The following CACNA1A variants were observed in gnomAD, a reference collection of about 807,000 sequenced individuals.
CACNA1A encodes calcium voltage-gated channel subunit alpha1 A.
A neutral mutation model predicts 262.4 loss-of-function variants in CACNA1A; 57 were observed. That is an observed-to-expected ratio of 0.22 (90% CI 0.18 to 0.27). The LOEUF (loss-of-function observed/expected upper bound fraction) is 0.27, where lower values mean the gene tolerates loss of function less well. Among genes scored for constraint, CACNA1A ranks in the 10% least tolerant of loss-of-function variants. CACNA1A has a pLI of 1.00. For missense variants in CACNA1A, 2,526 were observed against 3,562.8 expected (o/e 0.71, Z 7.41); for synonymous variants, 1,431 against 1,419.3 (o/e 1.01, Z -0.18).
chr19:13,464,128 C>T (rs866664760), intron 1 of CACNA1A, among the ~76,000 whole-genome samples: 14 of 152,170 alleles, frequency 9.2e-5, no homozygotes, highest in African/African-American at 3.4e-4. Context: ...GAGGTAGATG[C>T]CTATCATCTC....
chr19:13,301,644 G>T (rs1340671648), intron 17 of CACNA1A, among the ~76,000 whole-genome samples: 1 of 152,158 alleles, frequency 6.6e-6, no homozygotes, highest in Non-Finnish European at 1.5e-5. Flanking sequence ...TTCATGCAGG[G>T]CCTCATTCGT....
chr19:13,227,377 A>T, intron 37 of CACNA1A, 54 bp downstream of exon 37: 1 of 798,464 alleles, frequency 1.3e-6, no homozygotes. Context: ...AAGAAGAAGA[A>T]GAAGAAAAAA....
rs1032588483 is a variant in CACNA1A at position 13,208,935 on chromosome 19, G to C, written c.6601C>G (p.Arg2201Gly). The C allele has an allele frequency of 6.5e-7, 1 of 1,537,510 alleles. No homozygotes were observed. The highest frequency in any genetic ancestry group is 1.2e-5 in the South Asian group (1 of 84,060). ...PSKERDQERG[R>G]PKDRKHRQHH... is the part of the protein sequence containing the mutation. ...TGTCGATGCTTCCGATCCTTGGGCC[G>C]GCCCCGCTCCTGGTCCCGCTCCTTC... The change falls in exon 46 of 47, where the codon CGG (arginine) becomes GGG (glycine). Residue 2201 changes from arginine (R) to glycine (G), a missense_variant. Physicochemically the swap from Arg to Gly is moderately radical, Grantham distance 125. This residue lies in a region of CACNA1A where 929 missense variants were observed against 868.1 expected (regional missense o/e 1.07). Transcript: ENST00000360228.
rs758727321 is a variant in CACNA1A at position 13,212,543 on chromosome 19, G to A, written c.6051-21C>T. 19 of 1,547,962 alleles carry A rather than the reference G, an allele frequency of 1.2e-5. No individual in the cohort carries two copies. The highest frequency in any genetic ancestry group is 9.7e-5 in the Admixed American group (5 of 51,318). ...CCATCCTGCATGGGGGACAGAGGCC[G>A]GGGTAGCAGTGGGCGCTTGGGCAGC... On this transcript the variant is annotated intron_variant, in intron 41 of 46. Transcript: ENST00000360228. The surrounding 1 kb of genome is among the most constrained non-coding windows in gnomAD (Gnocchi z 5.6).
chr19:13,308,622 C>T lies in CACNA1A; in HGVS notation c.1669-94G>A, dbSNP rs2057955895. 1.5e-6 allele frequency: 1 copy of T among 689,106 alleles called. No individual in the cohort carries two copies. The highest frequency in any genetic ancestry group is 2.5e-6 in the Non-Finnish European group (1 of 406,166). The allele number at this position is 689,106 out of a possible 1,614,324, so 42.7% of individuals were successfully genotyped here. A position where few individuals can be genotyped will look rare whatever the true frequency, so the allele number is the denominator to read the frequency against. ...AGGTACCAACCTTGCAAGAACTCAA[C>T]CAAACTCCTCCCTCCAAATGGAAGC... is the stretch of plus-strand genomic sequence containing the variant. On this transcript the variant is annotated intron_variant, in intron 12 of 46. Transcript: ENST00000360228. The surrounding 1 kb of genome is among the most constrained non-coding windows in gnomAD (Gnocchi z 4.2).
At chr19:13,322,059 G>T (rs537429476) in intron 10 of CACNA1A, among the ~76,000 whole-genome samples, 2 of 151,920 alleles carry the variant, frequency 1.3e-5, no homozygotes, top group Non-Finnish European at 2.9e-5. Flanking sequence ...AAAATTAGCC[G>T]GGCATGGTGG....
chr19:13,306,023 G>A (rs970837814), intron 15 of CACNA1A, among the ~76,000 whole-genome samples: 4 of 148,710 alleles, frequency 2.7e-5, no homozygotes, highest in African/African-American at 7.5e-5. Context: ...ACGTGCCGTC[G>A]CACTCCAGCC....
chr19:13,360,249 C>CTGTG lies in CACNA1A; in HGVS notation c.785-454_785-451dup, dbSNP rs57607096. Among the ~76,000 whole-genome samples, 14 of 109,006 alleles carry CTGTG rather than the reference C, an allele frequency of 1.3e-4. 1 individual carries two copies. Among genetic ancestry groups the CTGTG allele is most frequent in the Non-Finnish European group, 2.6e-4 (13 of 50,776 alleles). 71.5% of individuals were successfully genotyped at this position (109,006 alleles called of 152,430 possible). A position where few individuals can be genotyped will look rare whatever the true frequency, so the allele number is the denominator to read the frequency against. On this transcript the variant is annotated intron_variant, in intron 5 of 46. Coordinates refer to ENST00000360228, the MANE Select transcript of CACNA1A (RefSeq NM_001127222.2). ...TTTTTTAAAAAAACTTATTAGGTGT[C>CTGTG]TGTGTGTGTGTGTGTGTATATATAT...
intron 24 of CACNA1A, among the ~76,000 whole-genome samples, chr19:13,267,897 T>C (rs141483209): frequency 1.9e-3 from 289 of 152,034 alleles, no homozygotes; most frequent in African/African-American, 6.3e-3. Flanking sequence ...TCTCCCACCT[T>C]AGCCTCCCAA....
chr19:13,429,900 G>A (rs1162984382), intron 3 of CACNA1A, among the ~76,000 whole-genome samples: 3 of 150,332 alleles, frequency 2.0e-5, no homozygotes, highest in Non-Finnish European at 4.4e-5. Context: ...ACTCACAGGG[G>A]GGACCCAAAG....
Position 13,342,002 on chromosome 19 carries a change from G to A in CACNA1A, c.979-6093C>T, listed in dbSNP as rs145371569. Among the ~76,000 whole-genome samples, 10 of 152,198 alleles carry A rather than the reference G, an allele frequency of 6.6e-5. No homozygotes were observed. The East Asian group carries it at 1.5e-3, about 24-fold the overall frequency. ...CCAAGTTCCCTGCATAGCTCAGATC[G>A]TCAACCCCAAGCCAAGCTCCCTCCT... On this transcript the variant is annotated intron_variant, in intron 6 of 46. Coordinates refer to ENST00000360228, the MANE Select transcript of CACNA1A (RefSeq NM_001127222.2).
chr19:13,415,647 A>AG (rs1320373458), intron 3 of CACNA1A, among the ~76,000 whole-genome samples: 1 of 149,878 alleles, frequency 6.7e-6, no homozygotes. Context: ...AGGATGAGGC[A>AG]GAGAATTGCT....
intron 3 of CACNA1A, among the ~76,000 whole-genome samples, chr19:13,387,834 T>G (rs373311672): frequency 4.5e-4 from 68 of 152,162 alleles, no homozygotes; most frequent in African/African-American, 1.6e-3. Context: ...TGCAACAGAA[T>G]GACATCCTGC....
At chr19:13,292,266 T>C (rs948626685) in intron 19 of CACNA1A, among the ~76,000 whole-genome samples, 2 of 152,050 alleles carry the variant, frequency 1.3e-5, no homozygotes, top group Non-Finnish European at 2.9e-5. Context: ...AGTGAGCCAC[T>C]GAAAGACAGA....
At chr19:13,218,907 T>G (rs2144563298) in intron 38 of CACNA1A, among the ~76,000 whole-genome samples, 1 of 152,336 alleles carries the variant, frequency 6.6e-6, no homozygotes, top group Middle Eastern at 3.4e-3. Context: ...CTAATTTTTG[T>G]ATTTTTGGTA....
In CACNA1A at chr19:13,245,194, C is replaced by T. The variant is rs1164073843; in HGVS notation, c.4938G>A (p.Val1646=). The T allele has an allele frequency of 6.2e-7, 1 of 1,613,798 alleles. No individual in the cohort carries two copies. Among genetic ancestry groups the T allele is most frequent in the Non-Finnish European group, 8.5e-7 (1 of 1,179,696 alleles). Residue 1646 remains valine (V), a synonymous_variant, in exon 31 of 47, where the codon GTG becomes GTA. Coordinates refer to ENST00000360228, the MANE Select transcript of CACNA1A (RefSeq NM_001127222.2). The part of the protein sequence containing the change: ...TVLGSITDIL[V]TEFGNNFINL... Reference sequence around the variant, plus strand: ...GAGGGAGACTTACCCCAAACTCAGTCACGAGGATATCGGTGATGCTGCCCA... The same window carrying T: ...GAGGGAGACTTACCCCAAACTCAGTTACGAGGATATCGGTGATGCTGCCCA...
rs532213449 is a variant in CACNA1A, at chr19:13,401,460, T to C, written c.540-29681A>G. 2.2e-4 allele frequency among the ~76,000 whole-genome samples: 34 copies of C among 152,124 alleles called. 2 individuals carry two copies. The South Asian group carries it at 6.8e-3, about 31-fold the overall frequency. On this transcript the variant is annotated intron_variant, in intron 3 of 46. Transcript: ENST00000360228. ...ACATAGTTGAGGCATGAGTGGGAGG[T>C]AGACTGAATCCCTGGTGCAAACATG...
chr19:13,468,260 C>A (rs573065432), intron 1 of CACNA1A, among the ~76,000 whole-genome samples: 9 of 151,764 alleles, frequency 5.9e-5, no homozygotes, highest in East Asian at 1.9e-4. Flanking sequence ...GAACTGAAGA[C>A]CTTCTCCCTG....
intron 1 of CACNA1A, among the ~76,000 whole-genome samples, chr19:13,465,275 C>A (rs1021293131): frequency 6.6e-6 from 1 of 152,208 alleles, no homozygotes; most frequent in East Asian, 1.9e-4. Context: ...CAATACCTAC[C>A]GTCATCATAG....
Sources: allele counts gnomAD v4.1 joint callset (sites outside exome capture counted in the v4.1 genomes callset), GRCh38; gene constraint gnomAD v4.1.1; regional missense constraint gnomAD v4.1.1; non-coding constraint Gnocchi (gnomAD v3.1); transcripts MANE v1.5; gene names NCBI Gene and HGNC (gene_info 2026-07-23, HGNC 2026-07-21).